TRAM2: variants seen among roughly 807,000 people sequenced by gnomAD.
TRAM2 encodes translocating chain-associated membrane protein 2.
A neutral mutation model predicts 51.0 loss-of-function variants in TRAM2; 12 were observed. The observed-to-expected ratio is 0.24, with a 90% CI of 0.15 to 0.38. The LOEUF (loss-of-function observed/expected upper bound fraction) is 0.38. Among genes scored for constraint, TRAM2 ranks in the 10% least tolerant of loss-of-function variants. TRAM2 has a pLI of 1.00. For synonymous variants in TRAM2, 175 were observed against 179.4 expected, an observed-to-expected ratio of 0.98 and a Z score of 0.20; for missense variants, 361 against 462.0, an observed-to-expected ratio of 0.78 and a Z score of 2.00.
At chr6:52,509,722 A>G (rs1766419743) in intron 4 of TRAM2, 136 bp from the exon 5 acceptor site, 2 of 752,648 alleles carry the variant, frequency 2.7e-6, no homozygotes, top group African/African-American at 1.8e-5. Flanking sequence ...ATGTGAAAAC[A>G]GAGAACTTCT....
chr6:52,514,668 A>G (rs1181802249), intron 4 of TRAM2, among the ~76,000 whole-genome samples: 2 of 152,078 alleles, frequency 1.3e-5, no homozygotes, highest in Admixed American at 1.3e-4. Flanking sequence ...GCTGGGGTGG[A>G]ATGTTTGGGG....
At chr6:52,574,554 G>A (rs1036762808) in intron 1 of TRAM2, among the ~76,000 whole-genome samples, 4 of 152,224 alleles carry the variant, frequency 2.6e-5, no homozygotes, top group Non-Finnish European at 5.9e-5. Context: ...AGGTCCTGTA[G>A]GTTCAAGGTG....
intron 4 of TRAM2, among the ~76,000 whole-genome samples, 164 bp from the exon 5 acceptor site, chr6:52,509,750 C>G (rs1766420152): frequency 6.6e-6 from 1 of 152,078 alleles, no homozygotes; most frequent in Admixed American, 6.5e-5. Flanking sequence ...GGACCCCTGG[C>G]GCTTGGCTGG....
chr6:52,530,410 T>C lies in TRAM2; in HGVS notation c.184+5373A>G, dbSNP rs115148124. On this transcript the variant is annotated intron_variant, in intron 2 of 10. Transcript: ENST00000182527. The stretch of plus-strand genomic sequence containing the variant: ...TAAATTTATAGCTGGTGTTGTGAGC[T>C]AAACTTGTGTCTCCCTCACCTCCAC... 6.2e-3 allele frequency among the ~76,000 whole-genome samples: 946 copies of C among 152,312 alleles called. 8 individuals carry two copies. The highest frequency in any genetic ancestry group is 0.022 in the African/African-American group (913 of 41,560).
rs1766196975 is a variant in TRAM2 at position 52,500,545 on chromosome 6, T to TTA, written c.*2651_*2652insTA. On this transcript the variant is annotated 3_prime_UTR_variant, in exon 11 of 11. Coordinates refer to ENST00000182527, the MANE Select transcript of TRAM2 (RefSeq NM_012288.4). ...TTTTTTTTGTTTTTTTTTTTTTTTT[T>TTA]ACATAAAATAAACCCTTAGCACACC... 3 of 141,054 alleles carry TTA rather than the reference T, an allele frequency of 2.1e-5. No homozygotes were observed. The highest frequency in any genetic ancestry group is 2.1e-4 in the Admixed American group (3 of 14,392). 8.7% of individuals were successfully genotyped at this position (141,054 alleles called of 1,614,324 possible). A position where few individuals can be genotyped will look rare whatever the true frequency, so the allele number is the denominator to read the frequency against.
intron 1 of TRAM2, among the ~76,000 whole-genome samples, chr6:52,540,119 A>C (rs555888567): frequency 6.6e-6 from 1 of 152,004 alleles, no homozygotes; most frequent in South Asian, 2.1e-4. Flanking sequence ...GCTTGCTCCC[A>C]CATTACCATA....
intron 2 of TRAM2, among the ~76,000 whole-genome samples, chr6:52,520,415 A>G (rs565309843): frequency 1.1e-3 from 164 of 152,366 alleles, no homozygotes; most frequent in African/African-American, 3.8e-3. Flanking sequence ...GAGAGCAGTC[A>G]GAAGGTGCCC....
At position 52,556,055 on chromosome 6, in the gene TRAM2, A is replaced by C. The variant is rs543394478; in HGVS notation, c.121-20209T>G. Among the ~76,000 whole-genome samples, 8 of 152,200 alleles carry C rather than the reference A, an allele frequency of 5.3e-5. No homozygotes were observed. In the East Asian group the frequency reaches 1.6e-3, roughly 29 times the overall value. ...TGATCTCCATTTAATTTAACCTCAT[A>C]GTTTTCTTCCCAGTGGGAGAGGGAG... On this transcript the variant is annotated intron_variant, in intron 1 of 10. Transcript: ENST00000182527.
intron 1 of TRAM2, among the ~76,000 whole-genome samples, chr6:52,548,409 A>G (rs1043558422): frequency 1.3e-5 from 2 of 152,236 alleles, no homozygotes; most frequent in Non-Finnish European, 2.9e-5. Context: ...AGATCTTATG[A>G]AATGCCAGGC....
chr6:52,556,828 C>T (rs961365878), intron 1 of TRAM2, among the ~76,000 whole-genome samples: 16 of 150,432 alleles, frequency 1.1e-4, no homozygotes, highest in Admixed American at 8.6e-4. Context: ...CTCGGGAGGC[C>T]GAGGCAGGGG....
chr6:52,516,967 C>T (rs1475086682), intron 2 of TRAM2: 1 of 533,888 alleles, frequency 1.9e-6, no homozygotes, highest in African/African-American at 1.9e-5. Context: ...GCTGTATTGT[C>T]ATAACAGTAT....
chr6:52,558,016 T>C (rs73429522), intron 1 of TRAM2, among the ~76,000 whole-genome samples: 2,175 of 152,250 alleles, frequency 0.014, 42 homozygotes, highest in African/African-American at 0.049. Flanking sequence ...CTGGAAAGTC[T>C]AGGATACTAT....
intron 2 of TRAM2, among the ~76,000 whole-genome samples, chr6:52,529,154 G>T (rs956034217): frequency 3.6e-4 from 55 of 152,154 alleles, no homozygotes; most frequent in African/African-American, 1.3e-3. Flanking sequence ...GCCTCCCGAA[G>T]TGCTGGGATT....
At chr6:52,550,754 G>A (rs910680232) in intron 1 of TRAM2, among the ~76,000 whole-genome samples, 4 of 152,106 alleles carry the variant, frequency 2.6e-5, no homozygotes, top group African/African-American at 9.7e-5. Flanking sequence ...GTTTCATCAT[G>A]TTGGCCAGGC....
At chr6:52,509,702 G>A (rs1766419509) in intron 4 of TRAM2, 116 bp from the exon 5 acceptor site, 10 of 867,522 alleles carry the variant, frequency 1.2e-5, no homozygotes, top group Non-Finnish European at 1.8e-5. Context: ...GAAAGAGGAA[G>A]GAACAGGAAA....
rs1160470884 is a variant in TRAM2, at chr6:52,577,033, G to T, written c.-118C>A. On this transcript the variant is annotated 5_prime_UTR_variant, in exon 1 of 11. Coordinates refer to ENST00000182527, the MANE Select transcript of TRAM2 (RefSeq NM_012288.4). Reference sequence around the variant, plus strand: ...GCCCGCCGCCCGCTCTCCCACAGCCGCTCGCCCGCCCAGCGCGGAACAACT... The same window carrying T: ...GCCCGCCGCCCGCTCTCCCACAGCCTCTCGCCCGCCCAGCGCGGAACAACT... 1 of 1,200,526 alleles carries T rather than the reference G, an allele frequency of 8.3e-7. No individual in the cohort carries two copies. Among genetic ancestry groups the T allele is most frequent in the Middle Eastern group, 3.3e-4 (1 of 3,076 alleles). 74.4% of individuals were successfully genotyped at this position (1,200,526 alleles called of 1,614,324 possible). A position where few individuals can be genotyped will look rare whatever the true frequency, so the allele number is the denominator to read the frequency against.
intron 2 of TRAM2, among the ~76,000 whole-genome samples, chr6:52,526,148 GACAGACACACACACACACAC>G (rs754437472): frequency 0.16 from 23,384 of 146,358 alleles, 1,931 homozygotes; most frequent in Middle Eastern, 0.21. Context: ...AATACACACA[GACAGACACACACACACACAC>G]ACACACACAC....
chr6:52,572,337 C>T (rs1487603890), intron 1 of TRAM2, among the ~76,000 whole-genome samples: 1 of 152,258 alleles, frequency 6.6e-6, no homozygotes, highest in Admixed American at 6.5e-5. Context: ...GGCGCAGTGG[C>T]TCAGGCCTAT....
intron 1 of TRAM2, among the ~76,000 whole-genome samples, chr6:52,575,291 G>A (rs558488175): frequency 2.6e-5 from 4 of 152,262 alleles, no homozygotes; most frequent in African/African-American, 9.6e-5. Context: ...ACTAGTCACA[G>A]AACAGGGACT....
Sources: allele counts gnomAD v4.1 joint callset (sites outside exome capture counted in the v4.1 genomes callset), GRCh38; gene constraint gnomAD v4.1.1; transcripts MANE v1.5; gene names NCBI Gene and HGNC (gene_info 2026-07-23, HGNC 2026-07-21).